CSMD1: variants seen among roughly 807,000 people sequenced by gnomAD.
The protein encoded by CSMD1 is CUB and Sushi multiple domains 1, also known as CUB and sushi domain-containing protein 1.
Under a neutral mutation model 417.5 loss-of-function variants are expected in CSMD1, and 213 were observed. That is an observed-to-expected ratio of 0.51 (90% CI 0.46 to 0.57). The LOEUF is 0.57. Among genes scored for constraint, CSMD1 ranks in the 20% least tolerant of loss-of-function variants. The pLI is 0.00. For missense variants in CSMD1, 6,923 were observed against 4,529.7 expected, an observed-to-expected ratio of 1.53 and a Z score of -15.17; for synonymous variants, 2,862 against 1,736.8, an observed-to-expected ratio of 1.65 and a Z score of -16.11.
intron 3 of CSMD1, among the ~76,000 whole-genome samples, chr8:4,138,672 T>C (rs1803589318): frequency 6.6e-6 from 1 of 152,202 alleles, no homozygotes; most frequent in Non-Finnish European, 1.5e-5. Context: ...TATTTCTATT[T>C]TTCAAAGTTA....
chr8:3,341,563 G>C (rs530835155), intron 23 of CSMD1, among the ~76,000 whole-genome samples: 5 of 152,290 alleles, frequency 3.3e-5, no homozygotes, highest in Non-Finnish European at 7.3e-5. Context: ...AAGGGAAAAA[G>C]TGAGCTTAGT....
chr8:3,523,572 C>A (rs116111474), intron 10 of CSMD1, among the ~76,000 whole-genome samples: 2,127 of 152,156 alleles, frequency 0.014, 57 homozygotes, highest in African/African-American at 0.048. Context: ...GATGCACACA[C>A]ACATGTACAC....
chr8:4,683,450 G>A (rs1023929711), intron 1 of CSMD1, among the ~76,000 whole-genome samples: 1 of 152,070 alleles, frequency 6.6e-6, no homozygotes, highest in Non-Finnish European at 1.5e-5. Context: ...TTGATTAAGG[G>A]AAGTCTATCA....
chr8:3,277,438 G>A lies in CSMD1; in HGVS notation c.4153+6706C>T, dbSNP rs374826261. On this transcript the variant is annotated intron_variant, in intron 26 of 69. Coordinates refer to ENST00000635120, the MANE Select transcript of CSMD1 (RefSeq NM_033225.6). The stretch of plus-strand genomic sequence containing the variant: ...GACCCCCAGCGGCGTAGACCAAGGC[G>A]GCAGGGCACAGGTTGGGAGAATTGG... Among the ~76,000 whole-genome samples the A allele has an allele frequency of 1.6e-4, 25 of 152,240 alleles. No homozygotes were observed. The East Asian group carries it at 3.1e-3, about 19-fold the overall frequency.
At chr8:4,440,068 A>G (rs1183975157) in intron 2 of CSMD1, among the ~76,000 whole-genome samples, 1 of 152,294 alleles carries the variant, frequency 6.6e-6, no homozygotes, top group East Asian at 1.9e-4. Context: ...AACAGTTTAA[A>G]ACACTGTTTT....
At chr8:2,938,808 C>A (rs1309037838) in intron 69 of CSMD1, 64 bp from the exon 70 acceptor site, 6 of 1,449,202 alleles carry the variant, frequency 4.1e-6, no homozygotes, top group Non-Finnish European at 5.7e-6. Flanking sequence ...GCAGCTGGGA[C>A]TGTGTGCAGG....
intron 5 of CSMD1, among the ~76,000 whole-genome samples, chr8:3,879,385 C>T (rs905789084): frequency 6.6e-6 from 1 of 152,094 alleles, no homozygotes; most frequent in African/African-American, 2.4e-5. Flanking sequence ...ATAAAGTATT[C>T]ATACACTGTA....
chr8:4,173,484 G>C (rs755063466), intron 3 of CSMD1, among the ~76,000 whole-genome samples: 3 of 152,222 alleles, frequency 2.0e-5, no homozygotes, highest in South Asian at 4.2e-4. Flanking sequence ...TGGATCTAGA[G>C]ACACAGCTAA....
intron 3 of CSMD1, among the ~76,000 whole-genome samples, chr8:4,386,361 A>G (rs1314195685): frequency 2.0e-5 from 3 of 151,666 alleles, no homozygotes; most frequent in Admixed American, 1.3e-4. Flanking sequence ...CCACTCAAAC[A>G]ATATACACTA....
At chr8:4,484,372 C>T (rs1801256038) in intron 2 of CSMD1, among the ~76,000 whole-genome samples, 1 of 152,072 alleles carries the variant, frequency 6.6e-6, no homozygotes, top group Admixed American at 6.6e-5. Flanking sequence ...GGTTTACTTA[C>T]ATTATGAACA....
At chr8:4,329,131 C>T (rs541113361) in intron 3 of CSMD1, among the ~76,000 whole-genome samples, 9 of 152,194 alleles carry the variant, frequency 5.9e-5, no homozygotes, top group East Asian at 1.9e-4. Flanking sequence ...GGCTTCCAAA[C>T]GTGTGTTATC....
At chr8:4,632,851 G>A (rs1216258619) in intron 2 of CSMD1, among the ~76,000 whole-genome samples, 1 of 152,178 alleles carries the variant, frequency 6.6e-6, no homozygotes, top group Admixed American at 6.5e-5. Flanking sequence ...ACCGGTAGAG[G>A]GAGAGGCCGG....
chr8:4,116,842 A>C (rs145075569), intron 3 of CSMD1, among the ~76,000 whole-genome samples: 7 of 151,996 alleles, frequency 4.6e-5, no homozygotes, highest in African/African-American at 1.4e-4. Context: ...AAAAAACAAA[A>C]AGCACCTGGC....
chr8:3,612,365 T>C (rs1052375757), intron 8 of CSMD1, among the ~76,000 whole-genome samples: 2 of 151,950 alleles, frequency 1.3e-5, no homozygotes, highest in African/African-American at 4.8e-5. Flanking sequence ...GTAGATGATT[T>C]AGATAAATCT....
intron 10 of CSMD1, among the ~76,000 whole-genome samples, chr8:3,505,100 G>A (rs1454514072): frequency 6.6e-6 from 1 of 152,002 alleles, no homozygotes; most frequent in African/African-American, 2.4e-5. Context: ...CTGAAATAAA[G>A]TAACCCAAGC....
intron 2 of CSMD1, among the ~76,000 whole-genome samples, chr8:4,619,448 T>C (rs531203107): frequency 1.3e-5 from 2 of 152,294 alleles, no homozygotes; most frequent in South Asian, 4.1e-4. Context: ...GTTGTGACAG[T>C]AGCTAGTGTA....
rs1245225873 is a variant in CSMD1, at chr8:4,031,954, G to T, written c.561C>A (p.Val187=). Residue 187 remains valine, a synonymous_variant, in exon 4 of 70, where the codon GTC becomes GTA. Coordinates refer to ENST00000635120, the MANE Select transcript of CSMD1 (RefSeq NM_033225.6). ...CCCACGATGCACCATTTCCTGGGCT[G>T]ACGATGCAGGTCAGGATGGCGTGGC... The part of the protein sequence containing the change: ...LEGHAILTCI[V]SPGNGASWDF... 3 of 1,613,980 alleles carry T rather than the reference G, an allele frequency of 1.9e-6. No homozygotes were observed.
chr8:4,766,245 ATGGAG>A (rs1445266930), intron 1 of CSMD1, among the ~76,000 whole-genome samples: 1 of 152,166 alleles, frequency 6.6e-6, no homozygotes, highest in East Asian at 1.9e-4. Flanking sequence ...GGAATGAGGT[ATGGAG>A]TAGCAGAATA....
chr8:4,360,374 A>G (rs1448834603), intron 3 of CSMD1, among the ~76,000 whole-genome samples: 1 of 152,166 alleles, frequency 6.6e-6, no homozygotes, highest in African/African-American at 2.4e-5. Context: ...CTTTACCCTA[A>G]TTGTAAGTTA....
Sources: allele counts gnomAD v4.1 joint callset (sites outside exome capture counted in the v4.1 genomes callset), GRCh38; gene constraint gnomAD v4.1.1; transcripts MANE v1.5; gene names NCBI Gene and HGNC (gene_info 2026-07-23, HGNC 2026-07-21).